EPHB1: variants seen among roughly 807,000 people sequenced by gnomAD.
EPHB1 encodes EPH receptor B1, also known as ephrin type-B receptor 1.
A neutral mutation model predicts 94.4 loss-of-function variants in EPHB1; 30 were observed. The ratio of observed to expected loss-of-function variants is 0.32; its 90% CI spans 0.24 to 0.43. The LOEUF (loss-of-function observed/expected upper bound fraction) is 0.43. Ranked by LOEUF, EPHB1 falls within the 20% of genes least tolerant of loss-of-function variation. The probability of loss-of-function intolerance (pLI) is 1.00; values close to 1 mark genes in which losing one functional copy is unlikely to be tolerated. For missense variants in EPHB1, 1,055 were observed against 1,308.3 expected, an observed-to-expected ratio of 0.81 and a Z score of 2.99; for synonymous variants, 522 against 489.1, an observed-to-expected ratio of 1.07 and a Z score of -0.89.
At chr3:135,060,651 T>C (rs990365087) in intron 3 of EPHB1, among the ~76,000 whole-genome samples, 2 of 152,160 alleles carry the variant, frequency 1.3e-5, no homozygotes, top group Non-Finnish European at 1.5e-5. Context: ...TTATTTTTAA[T>C]TTTTGTGGGT....
chr3:134,876,817 G>A (rs2037626156), intron 1 of EPHB1, among the ~76,000 whole-genome samples: 1 of 148,590 alleles, frequency 6.7e-6, no homozygotes, highest in African/African-American at 2.6e-5. Context: ...CCTAAAGAAA[G>A]GGGCTGTCAA....
At chr3:135,066,688 C>G (rs1423149880) in intron 3 of EPHB1, among the ~76,000 whole-genome samples, 1 of 152,062 alleles carries the variant, frequency 6.6e-6, no homozygotes, top group African/African-American at 2.4e-5. Context: ...CTCCTGAATT[C>G]TTTTTCAGGT....
rs148132187 is a variant in EPHB1, at chr3:134,957,878, C to T, written c.805+5826C>T. 2.6e-3 allele frequency among the ~76,000 whole-genome samples: 390 copies of T among 152,276 alleles called. 3 individuals carry two copies. The highest frequency in any genetic ancestry group is 8.7e-3 in the African/African-American group (360 of 41,556). On this transcript the variant is annotated intron_variant, in intron 3 of 15. Transcript: ENST00000398015. ...GGTTTTCCAGAAGGCTCTCAGATCA[C>T]CTATGACCATTCTAACTCTGGACAT...
At chr3:135,067,176 G>C (rs1444745300) in intron 3 of EPHB1, among the ~76,000 whole-genome samples, 1 of 152,204 alleles carries the variant, frequency 6.6e-6, no homozygotes, top group African/African-American at 2.4e-5. Context: ...CCTACTGCCA[G>C]GAGGTGGTGC....
intron 4 of EPHB1, among the ~76,000 whole-genome samples, chr3:135,123,809 G>T (rs1437007911): frequency 6.6e-6 from 1 of 150,614 alleles, no homozygotes; most frequent in Non-Finnish European, 1.5e-5. Flanking sequence ...TTCAGAATCT[G>T]CCTCTTCTCA....
At chr3:134,939,857 A>G (rs994049574) in intron 2 of EPHB1, among the ~76,000 whole-genome samples, 1 of 152,238 alleles carries the variant, frequency 6.6e-6, no homozygotes, top group Admixed American at 6.5e-5. Context: ...CCCACAGGAC[A>G]TGGTGGCAGC....
chr3:134,941,001 T>C (rs1394453138), intron 2 of EPHB1, among the ~76,000 whole-genome samples: 5 of 152,216 alleles, frequency 3.3e-5, no homozygotes, highest in Non-Finnish European at 7.3e-5. Context: ...TTTCAATTAT[T>C]TCTATTCCTG....
chr3:135,181,033 T>A (rs894102538), intron 10 of EPHB1, among the ~76,000 whole-genome samples: 1 of 152,186 alleles, frequency 6.6e-6, no homozygotes, highest in Admixed American at 6.5e-5. Context: ...TTAGTCAAAG[T>A]CTTACAGCTA....
intron 5 of EPHB1, among the ~76,000 whole-genome samples, chr3:135,149,917 A>C (rs1941141227): frequency 6.6e-6 from 1 of 152,124 alleles, no homozygotes; most frequent in South Asian, 2.1e-4. Context: ...GTTTCTCTCC[A>C]TGGATTTCAC....
chr3:134,868,969 G>C (rs758928056), intron 1 of EPHB1, among the ~76,000 whole-genome samples: 45 of 152,214 alleles, frequency 3.0e-4, no homozygotes, highest in Non-Finnish European at 5.9e-4. Context: ...CCTGAGACAA[G>C]AGTAATTGGA....
At chr3:134,953,382 A>T (rs1046811049) in intron 3 of EPHB1, among the ~76,000 whole-genome samples, 3 of 152,250 alleles carry the variant, frequency 2.0e-5, no homozygotes, top group African/African-American at 7.2e-5. Context: ...TGGTCCTGGT[A>T]CCCATGACGG....
chr3:135,010,023 T>A (rs1214894660), intron 3 of EPHB1, among the ~76,000 whole-genome samples: 1 of 152,188 alleles, frequency 6.6e-6, no homozygotes, highest in African/African-American at 2.4e-5. Context: ...GATAGAATGA[T>A]AGCTAATTAG....
At chr3:135,007,843 A>G (rs1935478936) in intron 3 of EPHB1, among the ~76,000 whole-genome samples, 1 of 152,146 alleles carries the variant, frequency 6.6e-6, no homozygotes, top group Non-Finnish European at 1.5e-5. Context: ...CTTTTCCTCT[A>G]CTTCATGGAT....
At chr3:134,997,389 C>G (rs1400054837) in intron 3 of EPHB1, among the ~76,000 whole-genome samples, 3 of 152,146 alleles carry the variant, frequency 2.0e-5, no homozygotes, top group Non-Finnish European at 4.4e-5. Flanking sequence ...TAGGCAGAAA[C>G]CTTTATCTTT....
At chr3:135,200,126 C>T (rs941497981) in intron 11 of EPHB1, among the ~76,000 whole-genome samples, 3 of 152,164 alleles carry the variant, frequency 2.0e-5, no homozygotes, top group African/African-American at 7.2e-5. Context: ...GAACATAATT[C>T]TCAGCCCTTT....
intron 12 of EPHB1, among the ~76,000 whole-genome samples, chr3:135,201,995 C>T (rs1430550118): frequency 6.6e-6 from 1 of 152,106 alleles, no homozygotes; most frequent in Non-Finnish European, 1.5e-5. Context: ...AGCAGGTAGA[C>T]ACTGGTACCA....
intron 4 of EPHB1, among the ~76,000 whole-genome samples, chr3:135,124,960 C>T (rs536375370): frequency 3.3e-5 from 5 of 151,654 alleles, no homozygotes; most frequent in Admixed American, 2.6e-4. Flanking sequence ...GCACAATTCC[C>T]TCTCTTGAAG....
chr3:135,212,504 T>G (rs2107716637), intron 12 of EPHB1, among the ~76,000 whole-genome samples: 1 of 152,344 alleles, frequency 6.6e-6, no homozygotes, highest in South Asian at 2.1e-4. Flanking sequence ...ATGTTTGCAG[T>G]GGGCAACAGC....
intron 3 of EPHB1, among the ~76,000 whole-genome samples, chr3:134,992,328 G>C (rs1460170864): frequency 1.3e-5 from 2 of 152,154 alleles, no homozygotes; most frequent in Non-Finnish European, 2.9e-5. Flanking sequence ...GCCATAGGCT[G>C]TGGGGCCTTG....
Sources: gnomAD v4.1 joint callset for allele counts (sites outside exome capture counted in the v4.1 genomes callset) on GRCh38, gnomAD v4.1.1 for gene constraint, MANE v1.5 for transcripts, NCBI Gene and HGNC (gene_info 2026-07-23, HGNC 2026-07-21) for gene names.